Variants in PLAC1 observed in about 807,000 individuals in gnomAD.
PLAC1 encodes the protein placenta associated 1.
For synonymous variants in PLAC1, 68 were observed against 62.1 expected, an observed-to-expected ratio of 1.09 and a Z score of -0.44; for missense variants, 136 against 163.2, an observed-to-expected ratio of 0.83 and a Z score of 0.91.
chrX:134,579,157 AC>A (rs2077960343), intron 2 of PLAC1, among the ~76,000 whole-genome samples: 1 of 109,912 alleles, frequency 9.1e-6, no homozygotes, highest in African/African-American at 3.3e-5. Flanking sequence ...CCCCAGCCCT[AC>A]CCCAATAGAA....
chrX:134,738,988 A>G (rs2078710404), intron 1 of PLAC1, among the ~76,000 whole-genome samples: 2 of 112,575 alleles, frequency 1.8e-5, no homozygotes, highest in Admixed American at 1.9e-4. Context: ...TATATGAGGA[A>G]TTCTGGCTTA....
chrX:134,651,453 CAAAT>C (rs1008375682), intron 1 of PLAC1: 2 of 123,627 alleles, frequency 1.6e-5, no homozygotes, highest in East Asian at 2.5e-4. Flanking sequence ...TAAAAACAAA[CAAAT>C]AAACAAATAA....
At chrX:134,577,590 G>A (rs1173272044) in intron 2 of PLAC1, among the ~76,000 whole-genome samples, 2 of 111,598 alleles carry the variant, frequency 1.8e-5, no homozygotes, top group Non-Finnish European at 3.8e-5. Flanking sequence ...TCTGGAGGCT[G>A]AGGCAGGAGA....
chrX:134,649,711 G>C (rs1169341026), intron 1 of PLAC1, among the ~76,000 whole-genome samples: 1 of 112,420 alleles, frequency 8.9e-6, no homozygotes. Context: ...AAAAGCCACT[G>C]TAAGGCCCTA....
chrX:134,650,613 T>C (rs1194592903), intron 1 of PLAC1, among the ~76,000 whole-genome samples: 2 of 112,185 alleles, frequency 1.8e-5, no homozygotes, highest in African/African-American at 6.5e-5. Flanking sequence ...CAGTGCTTAG[T>C]GCACAGAAGG....
At chrX:134,715,754 G>A (rs1049216881) in intron 2 of PLAC1, among the ~76,000 whole-genome samples, 5 of 112,360 alleles carry the variant, frequency 4.4e-5, no homozygotes, top group African/African-American at 1.3e-4. Flanking sequence ...GTTGGCAGAT[G>A]TTTACCTGTT....
At chrX:134,657,718 C>T (rs1204961351) in intron 1 of PLAC1, among the ~76,000 whole-genome samples, 1 of 111,066 alleles carries the variant, frequency 9.0e-6, no homozygotes, top group African/African-American at 3.3e-5. Flanking sequence ...ACATGCCTCT[C>T]TGTGGTCATG....
chrX:134,682,614 C>T (rs923385019), intron 2 of PLAC1, among the ~76,000 whole-genome samples: 3 of 109,949 alleles, frequency 2.7e-5, no homozygotes, highest in African/African-American at 1.0e-4. Flanking sequence ...TGCAGTGGCA[C>T]GATCTCGGCT....
upstream of PLAC1, among the ~76,000 whole-genome samples, chrX:134,659,296 A>T (rs950519946): frequency 1.8e-5 from 2 of 111,956 alleles, no homozygotes; most frequent in Admixed American, 9.5e-5. Flanking sequence ...CCTGCTCAAA[A>T]CACATTGTTT....
chrX:134,614,590 A>G (rs1292976059), intron 1 of PLAC1, among the ~76,000 whole-genome samples: 1 of 104,768 alleles, frequency 9.5e-6, no homozygotes, highest in East Asian at 2.8e-4. Flanking sequence ...TATTCTGTAT[A>G]TATGATACAC....
chrX:134,603,307 A>ATT (rs2078103812), intron 1 of PLAC1, among the ~76,000 whole-genome samples: 1 of 5,098 alleles, frequency 2.0e-4, no homozygotes, highest in African/African-American at 7.4e-4. Context: ...ATATATATAT[A>ATT]TATATATTTT....
chrX:134,575,048 A>C (rs2077930236), intron 2 of PLAC1, among the ~76,000 whole-genome samples: 1 of 111,462 alleles, frequency 9.0e-6, no homozygotes, highest in Admixed American at 9.6e-5. Flanking sequence ...TTGGGAAATC[A>C]GAGGCAAGAT....
At chrX:134,591,475 AC>A (rs778230188) in intron 2 of PLAC1, among the ~76,000 whole-genome samples, 1 of 112,626 alleles carries the variant, frequency 8.9e-6, no homozygotes, top group Admixed American at 9.4e-5. Flanking sequence ...TCAAGGTAAT[AC>A]CCTTAAGGTC....
chrX:134,737,740 C>G (rs779773502), intron 1 of PLAC1, among the ~76,000 whole-genome samples: 2 of 112,217 alleles, frequency 1.8e-5, no homozygotes, highest in Non-Finnish European at 3.8e-5. Flanking sequence ...ATGCTGAGGT[C>G]GACGAAAAAG....
chrX:134,592,832 T>C (rs1294762827), intron 2 of PLAC1, among the ~76,000 whole-genome samples: 1 of 106,587 alleles, frequency 9.4e-6, no homozygotes. Flanking sequence ...TTCATGCCAT[T>C]CTCCTGTCTC....
intron 1 of PLAC1, among the ~76,000 whole-genome samples, chrX:134,750,911 T>A (rs111160136): frequency 0.04 from 131 of 3,310 alleles, 17 homozygotes; most frequent in Admixed American, 0.22. Context: ...ATATATATAT[T>A]TATATATATA....
intron 1 of PLAC1, among the ~76,000 whole-genome samples, chrX:134,746,768 A>G (rs2078730188): frequency 8.9e-6 from 1 of 112,182 alleles, no homozygotes; most frequent in African/African-American, 3.2e-5. Flanking sequence ...TGTTAAACCA[A>G]TCTGCACAAT....
At chrX:134,701,457 A>G (rs2078582870) in intron 2 of PLAC1, among the ~76,000 whole-genome samples, 1 of 112,081 alleles carries the variant, frequency 8.9e-6, no homozygotes, top group Admixed American at 9.5e-5. Context: ...TAAACAAAAG[A>G]GCTTCTACAC....
chrX:134,609,163 A>C (rs879076731), intron 1 of PLAC1, among the ~76,000 whole-genome samples: 16 of 110,610 alleles, frequency 1.4e-4, no homozygotes, highest in Admixed American at 1.4e-3. Flanking sequence ...TCTGCTAGTA[A>C]TGTCATTGTC....
Sources: allele counts gnomAD v4.1 joint callset (sites outside exome capture counted in the v4.1 genomes callset), GRCh38; gene constraint gnomAD v4.1.1; transcripts MANE v1.5; gene names NCBI Gene and HGNC (gene_info 2026-07-23, HGNC 2026-07-21).